The following OSGEPL1 variants were observed in gnomAD, a reference collection of about 807,000 sequenced individuals.
OSGEPL1 encodes the protein O-sialoglycoprotein endopeptidase like 1.
OSGEPL1 carries 26 observed loss-of-function variants against 37.2 expected under a neutral mutation model. That is an observed-to-expected ratio of 0.70 (90% confidence interval 0.51 to 0.97). The LOEUF (loss-of-function observed/expected upper bound fraction) is 0.97. Among genes scored for constraint, OSGEPL1 ranks in the 50% least tolerant of loss-of-function variants. The pLI is 0.00. For missense variants in OSGEPL1, 404 were observed against 487.0 expected (o/e 0.83, Z 1.60); for synonymous variants, 140 against 159.9 (o/e 0.88, Z 0.94).
intron 1 of OSGEPL1, among the ~76,000 whole-genome samples, chr2:189,762,192 A>G (rs919602749): frequency 2.0e-5 from 3 of 152,212 alleles, no homozygotes; most frequent in Non-Finnish European, 4.4e-5. Context: ...CAATCTTTGG[A>G]ATTAAATCTC....
chr2:189,754,070 G>T lies in OSGEPL1; in HGVS notation c.815-6C>A. 1 of 1,612,378 alleles carries T rather than the reference G, an allele frequency of 6.2e-7. No individual in the cohort carries two copies. Among genetic ancestry groups the T allele is most frequent in the Non-Finnish European group, 8.5e-7 (1 of 1,179,060 alleles). ...GATTTGCCCCTTCTCAATACCTGCA[G>T]AAATGAGCAGCTATTTTTAGGCACA... On this transcript the variant is annotated splice_polypyrimidine_tract_variant and splice_region_variant and intron_variant, in intron 4 of 8. Transcript: ENST00000264151.
rs373719045 is a variant in OSGEPL1 at position 189,761,614 on chromosome 2, T to A, written c.27A>T (p.Gly9=). 8 of 1,604,444 alleles carry A rather than the reference T, an allele frequency of 5.0e-6. No individual in the cohort carries two copies. In the East Asian group the frequency reaches 1.8e-4, roughly 36 times the overall value. The change falls in exon 2 of 9, where the codon GGA becomes GGT. Residue 9 remains glycine, a synonymous_variant. Coordinates refer to ENST00000264151, the MANE Select transcript of OSGEPL1 (RefSeq NM_022353.3). MLILTKTA[G]VFFKPSKRKV... ...TCCTTTTTGATGGTTTAAAAAAAACTCCTGCAGTCTTAGTCAAGATTAGCA... is the reference window on the plus strand; with the variant it reads ...TCCTTTTTGATGGTTTAAAAAAAACACCTGCAGTCTTAGTCAAGATTAGCA...
chr2:189,751,224 G>A (rs2045141321), intron 7 of OSGEPL1, among the ~76,000 whole-genome samples: 1 of 152,076 alleles, frequency 6.6e-6, no homozygotes, highest in Admixed American at 6.5e-5. Context: ...ATAAGGCTTT[G>A]CTTTGACTGA....
At chr2:189,762,508 A>G in intron 1 of OSGEPL1, 177 bp downstream of exon 1, 5 of 823,534 alleles carry the variant, frequency 6.1e-6, no homozygotes, top group Non-Finnish European at 7.3e-6. Flanking sequence ...AAATCTGGAC[A>G]AGGAGGATTG....
chr2:189,760,184 ATCTC>A (rs1346425035), intron 2 of OSGEPL1, among the ~76,000 whole-genome samples: 2 of 152,146 alleles, frequency 1.3e-5, no homozygotes, highest in African/African-American at 2.4e-5. Flanking sequence ...TAACAATCTG[ATCTC>A]TCTTTCTTTT....
intron 7 of OSGEPL1, among the ~76,000 whole-genome samples, chr2:189,751,486 C>T (rs1242143524): frequency 4.0e-5 from 6 of 148,834 alleles, no homozygotes; most frequent in Middle Eastern, 7.0e-3. Flanking sequence ...ACTCTGTCAC[C>T]CGGGCTGGAG....
At chr2:189,755,119 T>G in intron 3 of OSGEPL1, 54 bp downstream of exon 3, 1 of 1,566,750 alleles carries the variant, frequency 6.4e-7, no homozygotes, top group Non-Finnish European at 8.6e-7. Context: ...TATTGCTACT[T>G]AGTTGAAATG....
intron 1 of OSGEPL1, 91 bp from the exon 2 acceptor site, chr2:189,761,751 G>A (rs1409680018): frequency 7.5e-7 from 1 of 1,337,072 alleles, no homozygotes; most frequent in Non-Finnish European, 9.8e-7. Flanking sequence ...TTACAGGAAA[G>A]TTTGTAAAAG....
Position 189,761,590 on chromosome 2 carries a change from C to G in OSGEPL1, c.51G>C (p.Arg17Ser). The G allele has an allele frequency of 6.2e-7, 1 of 1,609,268 alleles. No individual in the cohort carries two copies. Among genetic ancestry groups the G allele is most frequent in the East Asian group, 2.2e-5 (1 of 44,724 alleles). Reference sequence around the variant, plus strand: ...AACTTCTTAAAAATTCATAAACTTTCCTTTTTGATGGTTTAAAAAAAACTC... The same window carrying G: ...AACTTCTTAAAAATTCATAAACTTTGCTTTTTGATGGTTTAAAAAAAACTC... ...TAGVFFKPSK[R>S]KVYEFLRSFN... Residue 17 changes from arginine to serine, a missense_variant, in exon 2 of 9, where the codon AGG becomes AGC. Coordinates refer to ENST00000264151, the MANE Select transcript of OSGEPL1 (RefSeq NM_022353.3).
At position 189,754,840 on chromosome 2, in the gene OSGEPL1, A is replaced by G. The variant is rs140599358; in HGVS notation, c.609+333T>C. The G allele has an allele frequency of 3.3e-3, 1,019 of 305,526 alleles. 18 individuals are homozygous for G. Among genetic ancestry groups the G allele is most frequent in the African/African-American group, 0.021 (929 of 44,066 alleles). The allele number at this position is 305,526 out of a possible 1,614,324, so 18.9% of individuals were successfully genotyped here. Reference sequence around the variant, plus strand: ...ATCTTTAATGTCCTTATGTTAATCTATATATATTCTCTTATTTTACCTTTT... The same window carrying G: ...ATCTTTAATGTCCTTATGTTAATCTGTATATATTCTCTTATTTTACCTTTT... On this transcript the variant is annotated intron_variant, in intron 3 of 8. Transcript: ENST00000264151.
intron 2 of OSGEPL1, 46 bp from the exon 3 acceptor site, chr2:189,755,606 A>G: frequency 6.5e-7 from 1 of 1,545,046 alleles, no homozygotes; most frequent in Non-Finnish European, 8.7e-7. Context: ...GATTGTAAAA[A>G]TGAAGAAAAA....
At chr2:189,756,753 C>T (rs1486193942) in intron 2 of OSGEPL1, among the ~76,000 whole-genome samples, 1 of 152,182 alleles carries the variant, frequency 6.6e-6, no homozygotes, top group East Asian at 1.9e-4. Flanking sequence ...CAAAAGCCCT[C>T]ATCTCAGTCT....
At position 189,754,256 on chromosome 2, in the gene OSGEPL1, A is replaced by G; in HGVS notation, c.699T>C (p.Asn233=). The G allele has an allele frequency of 6.2e-7, 1 of 1,613,782 alleles. No individual in the cohort carries two copies. The highest frequency in any genetic ancestry group is 1.6e-4 in the Middle Eastern group (1 of 6,062). ...GAGGTTTGATGTCAAAATGAAATCT[A>G]TTTCCTTGTTTGGCCAAATGTTCTA... ...KAIEHLAKQG[N]RFHFDIKPPL... Residue 233 remains asparagine (N), a synonymous_variant, in exon 4 of 9, where the codon AAT becomes AAC. Transcript: ENST00000264151.
intron 2 of OSGEPL1, among the ~76,000 whole-genome samples, chr2:189,756,462 T>C (rs996285071): frequency 6.6e-6 from 1 of 152,226 alleles, no homozygotes; most frequent in Non-Finnish European, 1.5e-5. Flanking sequence ...TAGTTCTATG[T>C]GTAGAAATGA....
At chr2:189,750,432 G>A in intron 8 of OSGEPL1, 118 bp downstream of exon 8, 1 of 503,660 alleles carries the variant, frequency 2.0e-6, no homozygotes. Flanking sequence ...TCTCAGAAGA[G>A]CAGGTAAAAC....
intron 2 of OSGEPL1, among the ~76,000 whole-genome samples, chr2:189,759,486 AT>A (rs2106070682): frequency 6.6e-6 from 1 of 152,194 alleles, no homozygotes; most frequent in Admixed American, 6.5e-5. Flanking sequence ...TCCTGACCTC[AT>A]GGTCCACTTG....
chr2:189,748,719 A>G (rs1480148321), intron 8 of OSGEPL1, among the ~76,000 whole-genome samples: 1 of 152,234 alleles, frequency 6.6e-6, no homozygotes, highest in East Asian at 1.9e-4. Flanking sequence ...ATAAGAATTT[A>G]TAACAATGGA....
chr2:189,754,814 C>T, intron 3 of OSGEPL1: 1 of 258,510 alleles, frequency 3.9e-6, no homozygotes, highest in Non-Finnish European at 7.2e-6. Flanking sequence ...CTGTGCATTG[C>T]ATCTTTAATG....
intron 2 of OSGEPL1, among the ~76,000 whole-genome samples, chr2:189,756,358 A>G (rs535856353): frequency 1.3e-5 from 2 of 152,212 alleles, no homozygotes; most frequent in Admixed American, 6.5e-5. Context: ...TTGATTTACA[A>G]TATGAGAACT....
Sources: gnomAD v4.1 joint callset for allele counts (sites outside exome capture counted in the v4.1 genomes callset) on GRCh38, gnomAD v4.1.1 for gene constraint, MANE v1.5 for transcripts, NCBI Gene and HGNC (gene_info 2026-07-23, HGNC 2026-07-21) for gene names.